Variants in SLIT3 observed in about 807,000 individuals in gnomAD.
SLIT3 encodes the protein slit guidance ligand 3.
SLIT3 carries 68 observed loss-of-function variants against 184.0 expected under a neutral mutation model. The observed-to-expected ratio is 0.37, with a 90% CI of 0.30 to 0.45. The LOEUF is 0.45. Among genes scored for constraint, SLIT3 ranks in the 20% least tolerant of loss-of-function variants. The probability of loss-of-function intolerance (pLI) is 1.00; values close to 1 mark genes in which losing one functional copy is unlikely to be tolerated. For synonymous variants in SLIT3, 831 were observed against 828.6 expected, an observed-to-expected ratio of 1.00 and a Z score of -0.05; for missense variants, 1,707 against 2,026.0, an observed-to-expected ratio of 0.84 and a Z score of 3.02.
chr5:169,161,176 A>G (rs1017115877), intron 4 of SLIT3, among the ~76,000 whole-genome samples: 16 of 152,212 alleles, frequency 1.1e-4, no homozygotes, highest in Middle Eastern at 3.4e-3. Context: ...ATGGCATACC[A>G]TTTGGCATCC....
At chr5:168,913,937 A>T (rs1404435235) in intron 4 of SLIT3, among the ~76,000 whole-genome samples, 2 of 152,194 alleles carry the variant, frequency 1.3e-5, no homozygotes, top group Admixed American at 1.3e-4. Context: ...AAGCACAATT[A>T]AAAAATATAC....
At chr5:168,769,469 G>A (rs1370993915) in intron 14 of SLIT3, among the ~76,000 whole-genome samples, 6 of 152,192 alleles carry the variant, frequency 3.9e-5, no homozygotes, top group Non-Finnish European at 8.8e-5. Flanking sequence ...CGGTGCATAG[G>A]TTGTCTGCCA....
intron 6 of SLIT3, among the ~76,000 whole-genome samples, chr5:168,830,743 A>G (rs920267687): frequency 1.3e-5 from 2 of 152,238 alleles, no homozygotes; most frequent in African/African-American, 4.8e-5. Flanking sequence ...TCACAGCCAG[A>G]GGTGCGGAGC....
intron 14 of SLIT3, among the ~76,000 whole-genome samples, chr5:168,764,879 A>G (rs149331594): frequency 2.6e-5 from 4 of 152,134 alleles, no homozygotes; most frequent in African/African-American, 9.6e-5. Context: ...CCTTTTGGTA[A>G]CTCTGACCTG....
In SLIT3 at chr5:168,750,451, A is replaced by G. The variant is rs574204367; in HGVS notation, c.1974-816T>C. ...TGGGGAGCTTATTTAAGCGGGACAGACAGCCCTTGAGTGGCTGTAGGATGA... is the reference window on the plus strand; with the variant it reads ...TGGGGAGCTTATTTAAGCGGGACAGGCAGCCCTTGAGTGGCTGTAGGATGA... On this transcript the variant is annotated intron_variant, in intron 18 of 35. Coordinates refer to ENST00000519560, the MANE Select transcript of SLIT3 (RefSeq NM_003062.4). Among the ~76,000 whole-genome samples the G allele has an allele frequency of 2.0e-5, 3 of 152,338 alleles. No homozygotes were observed. In the East Asian group the frequency reaches 5.8e-4, roughly 29 times the overall value.
intron 5 of SLIT3, among the ~76,000 whole-genome samples, chr5:168,879,966 T>C (rs1246509115): frequency 1.3e-5 from 2 of 152,254 alleles, no homozygotes; most frequent in Non-Finnish European, 2.9e-5. Flanking sequence ...TGAATGATTA[T>C]GAGAATTTGC....
chr5:168,975,648 CT>C, intron 4 of SLIT3, among the ~76,000 whole-genome samples: 1 of 152,276 alleles, frequency 6.6e-6, no homozygotes, highest in African/African-American at 2.4e-5. Context: ...TTTTAAGCAT[CT>C]TTGTTCTAAA....
At chr5:169,136,153 AG>A (rs2113329271) in intron 4 of SLIT3, among the ~76,000 whole-genome samples, 1 of 152,304 alleles carries the variant, frequency 6.6e-6, no homozygotes, top group East Asian at 1.9e-4. Flanking sequence ...AGCCAGCTTG[AG>A]GGGAGGGGGA....
At chr5:168,932,519 C>G (rs879794719) in intron 4 of SLIT3, among the ~76,000 whole-genome samples, 8 of 152,028 alleles carry the variant, frequency 5.3e-5, no homozygotes, top group Non-Finnish European at 1.2e-4. Context: ...ATTTTCCAGT[C>G]AAGTCCTAGT....
At chr5:168,703,937 C>CT (rs200833212) in intron 26 of SLIT3, among the ~76,000 whole-genome samples, 3,066 of 112,502 alleles carry the variant, frequency 0.027, 86 homozygotes, top group Middle Eastern at 0.044. Context: ...GAGTGAGACT[C>CT]TGTCTCCAAA....
chr5:169,156,024 G>T (rs1762293537), intron 4 of SLIT3, among the ~76,000 whole-genome samples: 1 of 152,194 alleles, frequency 6.6e-6, no homozygotes, highest in African/African-American at 2.4e-5. Flanking sequence ...GTTCTTCAAA[G>T]GTTCCACAGA....
chr5:169,282,192 G>A (rs947419570), intron 1 of SLIT3, among the ~76,000 whole-genome samples: 5 of 152,170 alleles, frequency 3.3e-5, no homozygotes, highest in African/African-American at 1.2e-4. Context: ...TCCTCTATGA[G>A]GCTCAAGGCC....
At chr5:169,158,272 C>T (rs1664830543) in intron 4 of SLIT3, among the ~76,000 whole-genome samples, 1 of 152,118 alleles carries the variant, frequency 6.6e-6, no homozygotes, top group Non-Finnish European at 1.5e-5. Context: ...ATTCAAATGA[C>T]TGCATATTTC....
intron 4 of SLIT3, among the ~76,000 whole-genome samples, chr5:169,125,494 G>C (rs1005215675): frequency 6.6e-6 from 1 of 152,232 alleles, no homozygotes; most frequent in Non-Finnish European, 1.5e-5. Flanking sequence ...GCCCTTCTTT[G>C]GGAAAATATA....
intron 9 of SLIT3, among the ~76,000 whole-genome samples, chr5:168,801,759 C>T (rs938725395): frequency 5.9e-5 from 9 of 152,188 alleles, no homozygotes; most frequent in Non-Finnish European, 1.0e-4. Context: ...GAGAACGGTG[C>T]CATCGGTGGG....
At chr5:169,187,916 C>T (rs954783560) in intron 4 of SLIT3, among the ~76,000 whole-genome samples, 3 of 152,036 alleles carry the variant, frequency 2.0e-5, no homozygotes, top group Non-Finnish European at 4.4e-5. Flanking sequence ...ACCACTCACC[C>T]TCCGCCCTGC....
chr5:169,048,028 T>C (rs2113048999), intron 4 of SLIT3, among the ~76,000 whole-genome samples: 1 of 152,252 alleles, frequency 6.6e-6, no homozygotes, highest in South Asian at 2.1e-4. Flanking sequence ...TGGAAGAAAC[T>C]ATGTCAAACT....
intron 4 of SLIT3, among the ~76,000 whole-genome samples, chr5:169,138,871 G>T (rs1761622207): frequency 6.6e-6 from 1 of 152,220 alleles, no homozygotes; most frequent in Admixed American, 6.5e-5. Flanking sequence ...TGGGGAAATT[G>T]TTCGAAGTCT....
intron 3 of SLIT3, among the ~76,000 whole-genome samples, chr5:169,240,634 T>C (rs1254046368): frequency 6.6e-6 from 1 of 151,002 alleles, no homozygotes; most frequent in Non-Finnish European, 1.5e-5. Context: ...TGTTTAATGT[T>C]ATTCTTTTGT....
Sources: gnomAD v4.1 joint callset for allele counts (sites outside exome capture counted in the v4.1 genomes callset) on GRCh38, gnomAD v4.1.1 for gene constraint, MANE v1.5 for transcripts, NCBI Gene and HGNC (gene_info 2026-07-23, HGNC 2026-07-21) for gene names.